PLEKHA7: variants seen among roughly 807,000 people sequenced by gnomAD.
PLEKHA7 encodes the protein pleckstrin homology domain containing A7.
PLEKHA7 carries 104 observed loss-of-function variants against 170.0 expected under a neutral mutation model. That is an observed-to-expected ratio of 0.61 (90% CI 0.52 to 0.72). The LOEUF (loss-of-function observed/expected upper bound fraction) is 0.72, where lower values mean the gene tolerates loss of function less well. PLEKHA7 is among the 30% of genes least tolerant of loss of function. The pLI, the probability that PLEKHA7 is intolerant of heterozygous loss-of-function variation, is 0.00. For synonymous variants in PLEKHA7, 648 were observed against 660.8 expected (o/e 0.98, Z 0.30); for missense variants, 1,615 against 1,671.7 (o/e 0.97, Z 0.59).
At chr11:16,835,149 T>C (rs183874367) in intron 9 of PLEKHA7, among the ~76,000 whole-genome samples, 19 of 152,290 alleles carry the variant, frequency 1.2e-4, no homozygotes, top group African/African-American at 3.8e-4. Context: ...CACATGCCTG[T>C]AGTCCTAGCT....
intron 13 of PLEKHA7, among the ~76,000 whole-genome samples, chr11:16,806,909 C>T (rs891541311): frequency 3.3e-5 from 5 of 152,220 alleles, no homozygotes; most frequent in Non-Finnish European, 7.3e-5. Flanking sequence ...AGGCAAGCTC[C>T]CCCACCCTTG....
Position 16,947,054 on chromosome 11 carries a change from C to T in PLEKHA7, c.221+66935G>A, listed in dbSNP as rs573028500. On this transcript the variant is annotated intron_variant, in intron 3 of 26. Coordinates refer to ENST00000531066, the MANE Select transcript of PLEKHA7 (RefSeq NM_001329630.2). ...CCTATAAAGAATACAGAGGCCTGGG[C>T]CCCACAGGACCTGGCATTTTTAAAC... Among the ~76,000 whole-genome samples, 16 of 152,288 alleles carry T rather than the reference C, an allele frequency of 1.1e-4. No homozygotes were observed. In the East Asian group the frequency reaches 2.5e-3, roughly 24 times the overall value.
At chr11:16,923,912 C>A (rs956443904) in intron 3 of PLEKHA7, among the ~76,000 whole-genome samples, 11 of 152,198 alleles carry the variant, frequency 7.2e-5, no homozygotes, top group Admixed American at 7.2e-4. Flanking sequence ...TAAGCCAGCA[C>A]ATAGCTTCCC....
In PLEKHA7 at chr11:16,852,288, T is replaced by A; in HGVS notation, c.590A>T (p.Tyr197Phe). The A allele has an allele frequency of 6.2e-7, 1 of 1,613,924 alleles. No homozygotes were observed. Among genetic ancestry groups the A allele is most frequent in the Non-Finnish European group, 8.5e-7 (1 of 1,179,898 alleles). ...FVLADYCLFY[Y>F]KDSREEAVLG... Reference sequence around the variant, plus strand: ...TAGGCTACTTGTTAGCTCACCTTTATAGTAAAATAAGCAGTAATCAGCAAG... The same window carrying A: ...TAGGCTACTTGTTAGCTCACCTTTAAAGTAAAATAAGCAGTAATCAGCAAG... Residue 197 changes from tyrosine to phenylalanine, a missense_variant, in exon 7 of 27, where the codon TAT becomes TTT. Coordinates refer to ENST00000531066, the MANE Select transcript of PLEKHA7 (RefSeq NM_001329630.2).
chr11:16,897,153 G>A (rs1207375310), intron 3 of PLEKHA7, among the ~76,000 whole-genome samples: 2 of 152,158 alleles, frequency 1.3e-5, no homozygotes, highest in Non-Finnish European at 2.9e-5. Context: ...AACAGAAGAG[G>A]TTAAGTCTTT....
chr11:16,819,514 G>C (rs897435231), intron 10 of PLEKHA7, among the ~76,000 whole-genome samples: 14 of 152,240 alleles, frequency 9.2e-5, no homozygotes, highest in Non-Finnish European at 1.9e-4. Context: ...GAGTCAGACA[G>C]GCTTGAGGTC....
rs114983784 is a variant in PLEKHA7, at chr11:16,844,367, G to A, written c.697-2645C>T. 3.0e-3 allele frequency among the ~76,000 whole-genome samples: 458 copies of A among 152,328 alleles called. 3 individuals carry two copies. Among genetic ancestry groups the A allele is most frequent in the African/African-American group, 0.011 (452 of 41,576 alleles). On this transcript the variant is annotated intron_variant, in intron 8 of 26. Transcript: ENST00000531066. ...GAAGGTGCTGTGCCCAGCTGCTCTTGACTCTGAAGAGCAGATTCCAACTGT... is the reference window on the plus strand; with the variant it reads ...GAAGGTGCTGTGCCCAGCTGCTCTTAACTCTGAAGAGCAGATTCCAACTGT...
At chr11:16,975,539 C>T (rs1045989934) in intron 3 of PLEKHA7, among the ~76,000 whole-genome samples, 5 of 152,138 alleles carry the variant, frequency 3.3e-5, no homozygotes, top group Non-Finnish European at 5.9e-5. Flanking sequence ...TGGAGGCCAA[C>T]TGTAAGAAAC....
At chr11:16,909,114 T>A (rs114585639) in intron 3 of PLEKHA7, among the ~76,000 whole-genome samples, 103 of 152,298 alleles carry the variant, frequency 6.8e-4, no homozygotes, top group African/African-American at 2.3e-3. Context: ...AAATGATACA[T>A]GCATTGTGCT....
At chr11:16,785,856 G>C (rs1849359749) in intron 24 of PLEKHA7, among the ~76,000 whole-genome samples, 1 of 152,140 alleles carries the variant, frequency 6.6e-6, no homozygotes, top group Non-Finnish European at 1.5e-5. Context: ...GCCAACCCCT[G>C]GTGTTGCAGG....
chr11:16,996,801 TG>T (rs932809122), intron 3 of PLEKHA7, among the ~76,000 whole-genome samples: 2 of 151,790 alleles, frequency 1.3e-5, no homozygotes, highest in African/African-American at 4.8e-5. Context: ...CTGGGCATGG[TG>T]GTGGTCGCCT....
At chr11:16,979,666 C>A (rs1025027612) in intron 3 of PLEKHA7, among the ~76,000 whole-genome samples, 5 of 151,672 alleles carry the variant, frequency 3.3e-5, no homozygotes, top group Non-Finnish European at 1.5e-5. Context: ...GATATACTTG[C>A]AAAATACTCA....
chr11:16,958,213 A>G (rs1370321499), intron 3 of PLEKHA7, among the ~76,000 whole-genome samples: 3 of 152,076 alleles, frequency 2.0e-5, no homozygotes, highest in Non-Finnish European at 4.4e-5. Context: ...CGTACTCAGG[A>G]GGCTAAGGTG....
chr11:16,901,054 C>T (rs974274286), intron 3 of PLEKHA7, among the ~76,000 whole-genome samples: 1 of 152,062 alleles, frequency 6.6e-6, no homozygotes, highest in African/African-American at 2.4e-5. Flanking sequence ...CCCATGTTGG[C>T]CAGGCTGGTC....
At chr11:16,841,441 CT>C in intron 9 of PLEKHA7, 105 bp downstream of exon 9, 1 of 1,281,460 alleles carries the variant, frequency 7.8e-7, no homozygotes, top group Non-Finnish European at 1.1e-6. Context: ...GAGGGCAATG[CT>C]TAATACAAGT....
intron 26 of PLEKHA7, 145 bp downstream of exon 26, chr11:16,782,609 G>T: frequency 9.8e-7 from 1 of 1,024,926 alleles, no homozygotes; most frequent in Non-Finnish European, 1.4e-6. Flanking sequence ...AGGATGCCGA[G>T]TGGTCAGGGG....
At chr11:16,878,507 C>T (rs1347207641) in intron 3 of PLEKHA7, among the ~76,000 whole-genome samples, 1 of 152,180 alleles carries the variant, frequency 6.6e-6, no homozygotes, top group East Asian at 1.9e-4. Context: ...TCCATGCTGG[C>T]CCAGCCACAC....
intron 9 of PLEKHA7, among the ~76,000 whole-genome samples, chr11:16,835,450 A>T (rs946170142): frequency 6.6e-6 from 1 of 152,126 alleles, no homozygotes; most frequent in African/African-American, 2.4e-5. Flanking sequence ...GGCAGAGAAG[A>T]GAGTGCAGTT....
chr11:16,910,931 G>A (rs1483795136), intron 3 of PLEKHA7, among the ~76,000 whole-genome samples: 1 of 152,176 alleles, frequency 6.6e-6, no homozygotes, highest in Non-Finnish European at 1.5e-5. Context: ...GTGATCCTGG[G>A]CAAGTCACTT....
Sources: gnomAD v4.1 joint callset for allele counts (sites outside exome capture counted in the v4.1 genomes callset) on GRCh38, gnomAD v4.1.1 for gene constraint, MANE v1.5 for transcripts, NCBI Gene and HGNC (gene_info 2026-07-23, HGNC 2026-07-21) for gene names.